Variants in KTN1 observed in about 807,000 individuals in gnomAD.
KTN1 encodes the protein kinectin.
Under a neutral mutation model 222.5 loss-of-function variants are expected in KTN1, and 130 were observed. That is an observed-to-expected ratio of 0.58 (90% CI 0.51 to 0.68). The LOEUF (loss-of-function observed/expected upper bound fraction) is 0.68. Among genes scored for constraint, KTN1 ranks in the 30% least tolerant of loss-of-function variants. The pLI, the probability that KTN1 is intolerant of heterozygous loss-of-function variation, is 0.00. For synonymous variants in KTN1, 512 were observed against 496.3 expected (o/e 1.03, Z -0.42); for missense variants, 1,508 against 1,500.4 (o/e 1.01, Z -0.08).
chr14:55,679,773 T>A (rs2076095771), intron 43 of KTN1, 88 bp downstream of exon 43: 1 of 1,296,618 alleles, frequency 7.7e-7, no homozygotes, highest in African/African-American at 1.5e-5. Context: ...CTCACTTCAC[T>A]AGAGGAAATA....
chr14:55,648,701 A>G, intron 20 of KTN1, 101 bp from the exon 21 acceptor site: 1 of 776,324 alleles, frequency 1.3e-6, no homozygotes. Context: ...CTTCCAGAGT[A>G]GAAAAGAAGC....
rs1184814538 is a variant in KTN1, at chr14:55,658,602, A to G, written c.2949A>G (p.Gln983=). ...CCCAAATTGAGCAGCTTAAACAACA[A>G]AACTACCAACAGGTAGGTATTATTA... ...FKSQIEQLKQ[Q]NYQQASSFPP... is the part of the protein sequence containing the mutation. Residue 983 remains glutamine (Q), a synonymous_variant, in exon 30 of 44, where the codon CAA becomes CAG. Coordinates refer to ENST00000395314, the MANE Select transcript of KTN1 (RefSeq NM_001079521.2). 3.9e-5 allele frequency: 63 copies of G among 1,604,464 alleles called. No individual in the cohort carries two copies. Among genetic ancestry groups the G allele is most frequent in the Non-Finnish European group, 5.1e-5 (60 of 1,172,858 alleles).
intron 28 of KTN1, 69 bp downstream of exon 28, chr14:55,653,665 AT>A: frequency 8.5e-7 from 1 of 1,180,524 alleles, no homozygotes; most frequent in East Asian, 2.4e-5. Flanking sequence ...GTGTGCTTGA[AT>A]ATAATGATGA....
At chr14:55,662,565 G>C (rs1206495566) in intron 32 of KTN1, among the ~76,000 whole-genome samples, 1 of 152,216 alleles carries the variant, frequency 6.6e-6, no homozygotes, top group Non-Finnish European at 1.5e-5. Flanking sequence ...GGCAACACCT[G>C]TAAGTAGAGT....
At chr14:55,602,770 A>AG (rs1215290565) in intron 1 of KTN1, among the ~76,000 whole-genome samples, 1 of 152,090 alleles carries the variant, frequency 6.6e-6, no homozygotes, top group Non-Finnish European at 1.5e-5. Context: ...TTGTAGAGAC[A>AG]GGGTTCTGCT....
chr14:55,584,310 C>T (rs961835724), intron 1 of KTN1, among the ~76,000 whole-genome samples: 1 of 152,212 alleles, frequency 6.6e-6, no homozygotes, highest in Non-Finnish European at 1.5e-5. Flanking sequence ...CTGCCCTAAA[C>T]GCTTAGGCTC....
intron 1 of KTN1, among the ~76,000 whole-genome samples, chr14:55,599,363 A>T (rs1021958857): frequency 2.6e-5 from 4 of 152,138 alleles, no homozygotes; most frequent in Non-Finnish European, 4.4e-5. Flanking sequence ...CAAATACTAT[A>T]CTGTACGGAC....
chr14:55,620,644 G>A (rs1167946953), intron 5 of KTN1, among the ~76,000 whole-genome samples: 1 of 152,164 alleles, frequency 6.6e-6, no homozygotes, highest in Non-Finnish European at 1.5e-5. Context: ...GCTGTACCTT[G>A]GTTTCTTTTA....
chr14:55,619,228 T>C lies in KTN1; in HGVS notation c.879T>C (p.Thr293=). Residue 293 remains threonine (T), a synonymous_variant, in exon 5 of 44, where the codon ACT becomes ACC. Transcript: ENST00000395314. ...KFKDFLLSLK[T]MMFSEDEALC... ...AAGATTTTCTTCTGTCCTTGAAGAC[T>C]ATGATGTTTTCTGAAGATGAGGCTC... 1 of 1,608,318 alleles carries C rather than the reference T, an allele frequency of 6.2e-7. No individual in the cohort carries two copies. Among genetic ancestry groups the C allele is most frequent in the Non-Finnish European group, 8.5e-7 (1 of 1,174,844 alleles).
At position 55,637,335 on chromosome 14, in the gene KTN1, A is replaced by G. The variant is rs1314828205; in HGVS notation, c.1687A>G (p.Lys563Glu). 1.3e-6 allele frequency: 2 copies of G among 1,598,852 alleles called. No homozygotes were observed. Among genetic ancestry groups the G allele is most frequent in the Non-Finnish European group, 1.7e-6 (2 of 1,172,944 alleles). ...LMESEQKRVN[K>E]EESLQMQVQD... ...GGAATCAGAGCAGAAAAGGGTGAAC[A>G]AAGAAGAGTCTCTACAAATGCAGGT... The change falls in exon 11 of 44, where the codon AAA becomes GAA. Residue 563 changes from lysine to glutamate, a missense_variant. By Grantham distance (56) the Lys-to-Glu change is moderately conservative. Transcript: ENST00000395314.
chr14:55,680,884 C>G (rs1595354172), intron 43 of KTN1: 1 of 391,668 alleles, frequency 2.6e-6, no homozygotes, highest in East Asian at 7.2e-5. Flanking sequence ...AATTCTGCCA[C>G]ATTTCCTCGC....
At chr14:55,590,542 GCTTTT>G (rs2033919766) in intron 1 of KTN1, among the ~76,000 whole-genome samples, 1 of 151,532 alleles carries the variant, frequency 6.6e-6, no homozygotes. Context: ...TCTTACCTTT[GCTTTT>G]CTTTTAGTTT....
At chr14:55,638,376 AAAG>A (rs2140979373) in intron 12 of KTN1, among the ~76,000 whole-genome samples, 1 of 152,088 alleles carries the variant, frequency 6.6e-6, no homozygotes, top group Non-Finnish European at 1.5e-5. Context: ...TAAATAATAT[AAAG>A]AAAATCAAAT....
At chr14:55,607,379 A>G (rs1201158392) in intron 1 of KTN1, 1 of 152,166 alleles carries the variant, frequency 6.6e-6, no homozygotes, top group Admixed American at 6.5e-5. Flanking sequence ...GAAAACTCTC[A>G]ATATAGAGCA....
intron 40 of KTN1, 70 bp downstream of exon 40, chr14:55,673,325 A>G: frequency 1.0e-6 from 1 of 971,862 alleles, no homozygotes; most frequent in Non-Finnish European, 1.6e-6. Context: ...TGGAGAAACC[A>G]TCCAGGCTTT....
At chr14:55,659,250 A>G (rs2043840577) in intron 30 of KTN1, among the ~76,000 whole-genome samples, 1 of 152,024 alleles carries the variant, frequency 6.6e-6, no homozygotes, top group Non-Finnish European at 1.5e-5. Context: ...TTGATGTATA[A>G]ATAACTTTGT....
chr14:55,633,123 C>G (rs550344565), intron 7 of KTN1, 112 bp from the exon 8 acceptor site: 3 of 483,474 alleles, frequency 6.2e-6, no homozygotes, highest in Non-Finnish European at 1.1e-5. Context: ...AAGAATGATT[C>G]AAACTTCATT....
chr14:55,643,033 C>T (rs2041957461), intron 18 of KTN1, among the ~76,000 whole-genome samples: 1 of 152,040 alleles, frequency 6.6e-6, no homozygotes, highest in Non-Finnish European at 1.5e-5. Flanking sequence ...CCTCAGTCTC[C>T]TGAGTAGCTG....
At chr14:55,638,892 C>A (rs972633744) in intron 12 of KTN1, among the ~76,000 whole-genome samples, 1 of 151,780 alleles carries the variant, frequency 6.6e-6, no homozygotes, top group Non-Finnish European at 1.5e-5. Context: ...AATGGCCTTT[C>A]TGGCTGTTTT....
Sources: gnomAD v4.1 joint callset for allele counts (sites outside exome capture counted in the v4.1 genomes callset) on GRCh38, gnomAD v4.1.1 for gene constraint, MANE v1.5 for transcripts, NCBI Gene and HGNC (gene_info 2026-07-23, HGNC 2026-07-21) for gene names.